Variants in RFC1 observed in about 807,000 individuals in gnomAD.
RFC1 encodes the protein replication factor C subunit 1.
A neutral mutation model predicts 137.4 loss-of-function variants in RFC1; 37 were observed. The observed-to-expected ratio is 0.27, with a 90% CI of 0.21 to 0.35. RFC1 has a LOEUF of 0.35. RFC1 is among the 10% of genes least tolerant of loss of function. The pLI, the probability that RFC1 is intolerant of heterozygous loss-of-function variation, is 1.00. For synonymous variants in RFC1, 429 were observed against 455.7 expected, an observed-to-expected ratio of 0.94 and a Z score of 0.75; for missense variants, 1,205 against 1,358.5, an observed-to-expected ratio of 0.89 and a Z score of 1.78.
chr4:39,308,557 G>A (rs1738799886), intron 13 of RFC1, 79 bp downstream of exon 13: 2 of 1,515,184 alleles, frequency 1.3e-6, no homozygotes, highest in African/African-American at 2.8e-5. Flanking sequence ...TGAATCGTTA[G>A]ATTTTCTCAT....
rs201096166 is a variant in RFC1, at chr4:39,289,932, C to A, written c.3276G>T (p.Ser1092=). The change falls in exon 24 of 25, where the codon TCG becomes TCT. Residue 1092 remains serine, a synonymous_variant. Transcript: ENST00000349703. ...SRHSTSPSLD[S]EYNEELNEDD... is the part of the protein sequence containing the mutation. ...CTTCATTTAATTCTTCATTGTATTC[C>A]GAATCCAGGGATGGGCTTGTGCTGT... 1 of 1,613,010 alleles carries A rather than the reference C, an allele frequency of 6.2e-7. No individual in the cohort carries two copies. The highest frequency in any genetic ancestry group is 8.5e-7 in the Non-Finnish European group (1 of 1,179,088).
intron 6 of RFC1, among the ~76,000 whole-genome samples, 154 bp from the exon 7 acceptor site, chr4:39,323,571 A>G (rs568066287): frequency 3.2e-4 from 49 of 152,380 alleles, no homozygotes; most frequent in Non-Finnish European, 5.3e-4. Context: ...ATAGTGAAGT[A>G]TCACAGGTTT....
chr4:39,312,996 A>T (rs940671454), intron 10 of RFC1, 65 bp from the exon 11 acceptor site: 15 of 1,328,802 alleles, frequency 1.1e-5, no homozygotes, highest in Non-Finnish European at 1.6e-5. Context: ...AACATTTGGC[A>T]TCAAAACTGC....
intron 5 of RFC1, among the ~76,000 whole-genome samples, 190 bp downstream of exon 5, chr4:39,327,324 CAAGAATTAAA>C (rs1220592424): frequency 6.6e-6 from 1 of 152,070 alleles, no homozygotes; most frequent in Non-Finnish European, 1.5e-5. Context: ...TTCCCGCTTT[CAAGAATTAAA>C]AAATTAAATA....
At chr4:39,336,862 T>A (rs1368240567) in intron 4 of RFC1, among the ~76,000 whole-genome samples, 1 of 152,258 alleles carries the variant, frequency 6.6e-6, no homozygotes, top group African/African-American at 2.4e-5. Context: ...GTGCTGATGA[T>A]GATTCAAAGC....
At chr4:39,304,521 GTTTT>G (rs759268786) in intron 15 of RFC1, among the ~76,000 whole-genome samples, 6 of 152,136 alleles carry the variant, frequency 3.9e-5, no homozygotes, top group Non-Finnish European at 7.4e-5. Context: ...ATTACACATG[GTTTT>G]TTATTTTCTT....
chr4:39,326,599 G>C lies in RFC1; in HGVS notation c.606C>G (p.Ala202=). Residue 202 remains alanine (A), a synonymous_variant, in exon 6 of 25, where the codon GCC becomes GCG. Transcript: ENST00000349703. ...NTDESGLNDE[A]IAKQLQLDED... Reference sequence around the variant, plus strand: ...CATCAAGCTGTAATTGCTTGGCGATGGCTTCATCATTTAATCCAGACTCAT... The same window carrying C: ...CATCAAGCTGTAATTGCTTGGCGATCGCTTCATCATTTAATCCAGACTCAT... 6.2e-7 allele frequency: 1 copy of C among 1,613,082 alleles called. No homozygotes were observed. The highest frequency in any genetic ancestry group is 1.3e-5 in the African/African-American group (1 of 75,010).
chr4:39,296,940 C>T (rs1384584523), intron 21 of RFC1, among the ~76,000 whole-genome samples: 14 of 151,778 alleles, frequency 9.2e-5, no homozygotes, highest in South Asian at 6.2e-4. Context: ...TTAATGATTG[C>T]CATTCTAACT....
At chr4:39,324,598 G>A (rs1245409941) in intron 6 of RFC1, among the ~76,000 whole-genome samples, 1 of 152,198 alleles carries the variant, frequency 6.6e-6, no homozygotes, top group African/African-American at 2.4e-5. Flanking sequence ...GTAATAAAAT[G>A]TGAACAATCA....
At chr4:39,351,620 G>A in intron 1 of RFC1, 144 bp from the exon 2 acceptor site, 1 of 622,824 alleles carries the variant, frequency 1.6e-6, no homozygotes, top group Non-Finnish European at 2.5e-6. Flanking sequence ...GAATATAGTA[G>A]CTTTCTTTTC....
intron 2 of RFC1, among the ~76,000 whole-genome samples, chr4:39,348,266 A>G (rs1740957470): frequency 6.6e-6 from 1 of 151,092 alleles, no homozygotes; most frequent in African/African-American, 2.4e-5. Flanking sequence ...TAGGAAAAAT[A>G]CAAAAAATTA....
intron 10 of RFC1, 94 bp from the exon 11 acceptor site, chr4:39,313,025 A>C: frequency 1.4e-5 from 14 of 1,017,682 alleles, no homozygotes; most frequent in Non-Finnish European, 1.7e-5. Flanking sequence ...GATTTTTCTC[A>C]TTTCACATCA....
At chr4:39,329,483 C>T (rs1324026082) in intron 4 of RFC1, among the ~76,000 whole-genome samples, 3 of 151,224 alleles carry the variant, frequency 2.0e-5, no homozygotes, top group African/African-American at 4.9e-5. Context: ...CCAGCTACTC[C>T]GGAGGCAGAG....
intron 4 of RFC1, among the ~76,000 whole-genome samples, chr4:39,333,230 A>T (rs776076171): frequency 2.6e-4 from 40 of 152,292 alleles, no homozygotes; most frequent in Non-Finnish European, 5.1e-4. Context: ...GATTTTTTTA[A>T]TATTATACAC....
At chr4:39,331,458 A>G (rs1740095637) in intron 4 of RFC1, among the ~76,000 whole-genome samples, 1 of 152,302 alleles carries the variant, frequency 6.6e-6, no homozygotes, top group Admixed American at 6.5e-5. Flanking sequence ...AGCAGATTGT[A>G]ACAGGGCAAG....
intron 4 of RFC1, among the ~76,000 whole-genome samples, chr4:39,336,615 A>G (rs1740366009): frequency 6.6e-6 from 1 of 152,248 alleles, no homozygotes; most frequent in South Asian, 2.1e-4. Flanking sequence ...TGTCCTGTGC[A>G]TTGCGGGATG....
At chr4:39,292,615 A>ATTATTTAT (rs58733449) in intron 22 of RFC1, among the ~76,000 whole-genome samples, 2,072 of 144,042 alleles carry the variant, frequency 0.014, 29 homozygotes, top group African/African-American at 0.03. Flanking sequence ...ATATGTATAC[A>ATTATTTAT]TTATTTATTT....
chr4:39,296,063 G>A (rs1427586089), intron 21 of RFC1, among the ~76,000 whole-genome samples: 3 of 152,070 alleles, frequency 2.0e-5, no homozygotes, highest in African/African-American at 4.8e-5. Flanking sequence ...CGATGCCAAC[G>A]TCACAGCAAA....
chr4:39,310,418 T>C (rs1410173589), intron 12 of RFC1, among the ~76,000 whole-genome samples: 2 of 152,232 alleles, frequency 1.3e-5, no homozygotes, highest in Admixed American at 1.3e-4. Context: ...ATGCTATGGT[T>C]ATGTAATCGA....
Sources: gnomAD v4.1 joint callset for allele counts (sites outside exome capture counted in the v4.1 genomes callset) on GRCh38, gnomAD v4.1.1 for gene constraint, MANE v1.5 for transcripts, NCBI Gene and HGNC (gene_info 2026-07-23, HGNC 2026-07-21) for gene names.